KCNQ5: variants seen among roughly 807,000 people sequenced by gnomAD.
KCNQ5 encodes potassium voltage-gated channel subfamily Q member 5.
A neutral mutation model predicts 98.2 loss-of-function variants in KCNQ5; 30 were observed. The ratio of observed to expected loss-of-function variants is 0.31; its 90% confidence interval spans 0.23 to 0.41. KCNQ5 has a LOEUF of 0.41. KCNQ5 is among the 10% of genes least tolerant of loss of function. The pLI is 1.00. For synonymous variants in KCNQ5, 458 were observed against 449.4 expected, an observed-to-expected ratio of 1.02 and a Z score of -0.24; for missense variants, 835 against 1,182.5, an observed-to-expected ratio of 0.71 and a Z score of 4.31.
At chr6:72,708,749 C>A (rs1380238084) in intron 1 of KCNQ5, among the ~76,000 whole-genome samples, 1 of 152,102 alleles carries the variant, frequency 6.6e-6, no homozygotes, top group Non-Finnish European at 1.5e-5. Context: ...CTCCTGAGCT[C>A]AAGTGATCCA....
intron 11 of KCNQ5, among the ~76,000 whole-genome samples, chr6:73,180,535 A>G (rs540335506): frequency 6.6e-6 from 1 of 152,198 alleles, no homozygotes; most frequent in East Asian, 1.9e-4. Flanking sequence ...GCAAGCTGGC[A>G]TGAATCATGA....
intron 2 of KCNQ5, among the ~76,000 whole-genome samples, chr6:73,017,729 G>A (rs956376946): frequency 1.3e-5 from 2 of 152,168 alleles, no homozygotes; most frequent in Non-Finnish European, 2.9e-5. Context: ...GACTGTGCAA[G>A]TGTTACAGGC....
chr6:72,706,778 T>G (rs1445528522), intron 1 of KCNQ5, among the ~76,000 whole-genome samples: 1 of 152,132 alleles, frequency 6.6e-6, no homozygotes, highest in Admixed American at 6.6e-5. Flanking sequence ...CAAATGTTCA[T>G]AAAAAGAACA....
At chr6:72,924,580 T>G (rs775677133) in intron 1 of KCNQ5, among the ~76,000 whole-genome samples, 59 of 152,172 alleles carry the variant, frequency 3.9e-4, no homozygotes, top group Non-Finnish European at 6.5e-4. Flanking sequence ...TATTTTTAAA[T>G]CTACTATTCA....
chr6:72,701,009 G>C (rs1304764759), intron 1 of KCNQ5, among the ~76,000 whole-genome samples: 2 of 152,178 alleles, frequency 1.3e-5, no homozygotes, highest in Non-Finnish European at 2.9e-5. Context: ...TGTTTACTAA[G>C]TTCATTGTAG....
chr6:73,018,211 CAGTT>C (rs1770438400), intron 2 of KCNQ5, among the ~76,000 whole-genome samples: 1 of 152,154 alleles, frequency 6.6e-6, no homozygotes, highest in South Asian at 2.1e-4. Flanking sequence ...CTCTGCCTGT[CAGTT>C]AGCCCATCTG....
chr6:72,659,239 T>C (rs1446589027), intron 1 of KCNQ5, among the ~76,000 whole-genome samples: 3 of 152,200 alleles, frequency 2.0e-5, no homozygotes, highest in African/African-American at 7.2e-5. Context: ...AGGATGGCTA[T>C]AGACATTTCT....
intron 7 of KCNQ5, among the ~76,000 whole-genome samples, chr6:73,113,577 A>G (rs1582382836): frequency 6.6e-6 from 1 of 152,268 alleles, no homozygotes; most frequent in Non-Finnish European, 1.5e-5. Context: ...ATCGGCTGCC[A>G]TACCATACAA....
intron 10 of KCNQ5, among the ~76,000 whole-genome samples, chr6:73,142,178 T>C (rs901309792): frequency 5.3e-5 from 8 of 151,994 alleles, no homozygotes; most frequent in African/African-American, 1.7e-4. Flanking sequence ...AGCTCAGAAG[T>C]GTTATGCCAT....
chr6:72,883,606 T>C (rs1367862915), intron 1 of KCNQ5, among the ~76,000 whole-genome samples: 2 of 152,130 alleles, frequency 1.3e-5, no homozygotes, highest in African/African-American at 4.8e-5. Context: ...ATAGAGCATT[T>C]GCAAGGAACA....
chr6:73,120,412 T>C lies in KCNQ5; in HGVS notation c.1126-71T>C. 2.7e-6 allele frequency: 3 copies of C among 1,099,668 alleles called. 1 individual carries two copies. The South Asian group carries it at 4.5e-5, about 16-fold the overall frequency. The allele number at this position is 1,099,668 out of a possible 1,614,324, so 68.1% of individuals were successfully genotyped here. On this transcript the variant is annotated intron_variant, in intron 7 of 13. Coordinates refer to ENST00000370398, the MANE Select transcript of KCNQ5 (RefSeq NM_019842.4). ...TCTTCATGTGTAGTAACTTAATCAT[T>C]TCTCTTTTTATTTTATTCTAAATCC...
chr6:72,684,695 C>A (rs949427721), intron 1 of KCNQ5, among the ~76,000 whole-genome samples: 6 of 152,158 alleles, frequency 3.9e-5, no homozygotes, highest in African/African-American at 1.4e-4. Context: ...TATGCATTGT[C>A]ATTTGGAAAG....
intron 1 of KCNQ5, among the ~76,000 whole-genome samples, chr6:72,837,782 A>G (rs529071580): frequency 4.4e-4 from 60 of 137,618 alleles, no homozygotes; most frequent in Admixed American, 1.3e-3. Context: ...TAAACATGTT[A>G]TATATACATG....
At chr6:72,962,300 T>C (rs932975106) in intron 1 of KCNQ5, among the ~76,000 whole-genome samples, 2 of 148,124 alleles carry the variant, frequency 1.4e-5, no homozygotes, top group African/African-American at 5.0e-5. Context: ...AAGCTATAGG[T>C]ATGCAAAGGC....
At chr6:73,026,616 G>T (rs937652152) in intron 2 of KCNQ5, among the ~76,000 whole-genome samples, 6 of 151,990 alleles carry the variant, frequency 3.9e-5, no homozygotes, top group African/African-American at 1.5e-4. Context: ...TTATCTGCTT[G>T]CTTCCACTAG....
At chr6:73,182,703 C>T (rs955684290) in intron 11 of KCNQ5, among the ~76,000 whole-genome samples, 12 of 152,296 alleles carry the variant, frequency 7.9e-5, no homozygotes, top group Non-Finnish European at 1.2e-4. Context: ...CTCTGAGCTT[C>T]CTTGCTCCCT....
At chr6:73,002,966 AGGAGCATAGAAACTT>A (rs1228613196) in intron 1 of KCNQ5, among the ~76,000 whole-genome samples, 1 of 152,172 alleles carries the variant, frequency 6.6e-6, no homozygotes, top group Non-Finnish European at 1.5e-5. Flanking sequence ...CATCATCCAG[AGGAGCATAGAAACTT>A]GGTATTTTAA....
chr6:72,636,290 A>G (rs1349305407), intron 1 of KCNQ5, among the ~76,000 whole-genome samples: 1 of 152,180 alleles, frequency 6.6e-6, no homozygotes. Context: ...GAGTTTCTTT[A>G]CTCAGTGAGC....
chr6:72,851,825 T>C (rs1458039125), intron 1 of KCNQ5, among the ~76,000 whole-genome samples: 1 of 152,158 alleles, frequency 6.6e-6, no homozygotes, highest in Non-Finnish European at 1.5e-5. Flanking sequence ...AGAGTTGTTT[T>C]TCTTGAAAAT....
Sources: allele counts gnomAD v4.1 joint callset (sites outside exome capture counted in the v4.1 genomes callset), GRCh38; gene constraint gnomAD v4.1.1; transcripts MANE v1.5; gene names NCBI Gene and HGNC (gene_info 2026-07-23, HGNC 2026-07-21).